Variants in ABR observed in about 807,000 individuals in gnomAD.
The protein encoded by ABR is ABR activator of RhoGEF and GTPase, also known as active breakpoint cluster region-related protein.
Under a neutral mutation model 107.2 loss-of-function variants are expected in ABR, and 35 were observed. That is an observed-to-expected ratio of 0.33 (90% CI 0.25 to 0.43). The LOEUF (loss-of-function observed/expected upper bound fraction) is 0.43, where lower values mean the gene tolerates loss of function less well. Ranked by LOEUF, ABR falls within the 20% of genes least tolerant of loss-of-function variation. The pLI is 1.00. For missense variants in ABR, 815 were observed against 1,115.2 expected (o/e 0.73, Z 3.83); for synonymous variants, 498 against 462.0 (o/e 1.08, Z -1.00).
intron 1 of ABR, among the ~76,000 whole-genome samples, chr17:1,142,803 CT>C (rs1319351754): frequency 1.3e-5 from 2 of 152,132 alleles, no homozygotes; most frequent in African/African-American, 4.8e-5. Flanking sequence ...GGGTCGGCCC[CT>C]GTCTCATTCA....
intron 1 of ABR, among the ~76,000 whole-genome samples, chr17:1,220,286 G>A (rs112496542): frequency 1.1e-4 from 14 of 133,102 alleles, no homozygotes; most frequent in Admixed American, 8.7e-4. Flanking sequence ...GCGAGACTCC[G>A]TCTAAAAAAA....
Position 1,100,627 on chromosome 17 carries a change from C to A in ABR, c.345+10G>T. On this transcript the variant is annotated intron_variant, in intron 3 of 22. Transcript: ENST00000302538. ...GGACCGGAAGGCCCCAGAGCAGGGA[C>A]TGTACTCACCAGCAACAGGGCTTCC... 3 of 1,613,594 alleles carry A rather than the reference C, an allele frequency of 1.9e-6. No homozygotes were observed. Among genetic ancestry groups the A allele is most frequent in the Non-Finnish European group, 2.5e-6 (3 of 1,179,574 alleles).
exon 1 of ABR, among the ~76,000 whole-genome samples, chr17:1,229,308 G>C (rs902698043): frequency 1.3e-5 from 2 of 151,374 alleles, no homozygotes; most frequent in Admixed American, 6.6e-5. Flanking sequence ...TTCTCCGGCC[G>C]CCCCGGGCCC....
chr17:1,065,919 A>G (rs1031181891), intron 10 of ABR, among the ~76,000 whole-genome samples: 1 of 151,702 alleles, frequency 6.6e-6, no homozygotes. Context: ...CTAATTTTGT[A>G]TTTTCAGTAG....
chr17:1,137,006 CT>C (rs1555522402), intron 1 of ABR, among the ~76,000 whole-genome samples: 1 of 11,022 alleles, frequency 9.1e-5, no homozygotes, highest in Non-Finnish European at 5.7e-4. Context: ...TAAATCATTT[CT>C]TTTTTCTCTC....
chr17:1,057,224 G>A lies in ABR; in HGVS notation c.1382-122C>T, dbSNP rs2033381121. 1.3e-5 allele frequency: 8 copies of A among 629,908 alleles called. No homozygotes were observed. In the East Asian group the frequency reaches 1.7e-4, roughly 13 times the overall value. The allele number at this position is 629,908 out of a possible 1,614,324, so 39.0% of individuals were successfully genotyped here. On this transcript the variant is annotated intron_variant, in intron 12 of 22. Transcript: ENST00000302538. ...CTGGGGCAGACTTGGTCCTTGCGAG[G>A]GAGGGGGAAGGATTTGTGGACACAG...
rs545411674 is a variant in ABR at position 1,011,039 on chromosome 17, T to A, written c.2102-176A>T. On this transcript the variant is annotated intron_variant, in intron 19 of 22. Coordinates refer to ENST00000302538, the MANE Select transcript of ABR (RefSeq NM_021962.5). This position sits in a 1 kb window ranked among gnomAD's most constrained non-coding sequence, Gnocchi z 4.8. ...GTGACTCGGCTCTGTGGGTCGGGGT[T>A]GGGGGAACAGGGAGAGATAGCCTGG... 1.3e-4 allele frequency: 101 copies of A among 781,608 alleles called. No homozygotes were observed. The African/African-American group carries it at 1.3e-3, about 10-fold the overall frequency. The allele number at this position is 781,608 out of a possible 1,614,324, so 48.4% of individuals were successfully genotyped here. A position where few individuals can be genotyped will look rare whatever the true frequency, so the allele number is the denominator to read the frequency against.
intron 1 of ABR, among the ~76,000 whole-genome samples, chr17:1,217,832 T>A (rs535993646): frequency 6.6e-6 from 1 of 152,308 alleles, no homozygotes; most frequent in East Asian, 1.9e-4. Context: ...GTAGCTGGGA[T>A]TACAGGCACG....
Position 1,011,656 on chromosome 17 carries a change from G to T in ABR, c.2101+190C>A. 1.7e-6 allele frequency: 1 copy of T among 592,862 alleles called. No individual in the cohort carries two copies. Among genetic ancestry groups the T allele is most frequent in the Non-Finnish European group, 2.6e-6 (1 of 388,180 alleles). 36.7% of individuals were successfully genotyped at this position (592,862 alleles called of 1,614,324 possible). ...TCGGCCCTTGTGAGTTTCTGCAGTT[G>T]CTTACCTGCAGCAAGGGACAAGAGA... On this transcript the variant is annotated intron_variant, in intron 19 of 22. Coordinates refer to ENST00000302538, the MANE Select transcript of ABR (RefSeq NM_021962.5). This position sits in a 1 kb window ranked among gnomAD's most constrained non-coding sequence, Gnocchi z 4.8.
At chr17:1,096,387 T>C (rs2257532) in intron 3 of ABR, among the ~76,000 whole-genome samples, 109,629 of 152,070 alleles carry the variant, frequency 0.72, 40,125 homozygotes, top group South Asian at 0.84. Flanking sequence ...ACGAATTTCT[T>C]CTCCTTCAAG....
Position 1,058,691 on chromosome 17 carries a change from G to A in ABR, c.1305+54C>T, listed in dbSNP as rs2033613088. 3.8e-6 allele frequency: 6 copies of A among 1,592,628 alleles called. No individual in the cohort carries two copies. In the East Asian group the frequency reaches 1.4e-4, roughly 36 times the overall value. On this transcript the variant is annotated intron_variant, in intron 11 of 22. Transcript: ENST00000302538. The stretch of plus-strand genomic sequence containing the variant: ...GTCAGGGCCAGGAGCCACAGAGTGG[G>A]CTGCTCTGGACTAAGGAAGGGGCTG...
chr17:1,089,289 C>G lies in ABR; in HGVS notation c.531+2376G>C, dbSNP rs187990626. On this transcript the variant is annotated intron_variant, in intron 4 of 22. Transcript: ENST00000302538. ...CCTCAAGTGATCTTCCAGCCTCAGC[C>G]TCCCAAAGTGCTGGGATTACAGGCG... 7.8e-3 allele frequency among the ~76,000 whole-genome samples: 1,182 copies of G among 152,296 alleles called. 8 individuals carry two copies. The highest frequency in any genetic ancestry group is 0.031 in the Middle Eastern group (9 of 294).
At chr17:1,115,777 T>C (rs1311003984) in intron 2 of ABR, among the ~76,000 whole-genome samples, 4 of 140,040 alleles carry the variant, frequency 2.9e-5, no homozygotes, top group Non-Finnish European at 6.1e-5. Context: ...ATACAAAAAA[T>C]TAGCCAGGCG....
intron 16 of ABR, among the ~76,000 whole-genome samples, chr17:1,033,421 G>A (rs1391457285): frequency 6.6e-6 from 1 of 152,210 alleles, no homozygotes; most frequent in Non-Finnish European, 1.5e-5. Flanking sequence ...GAAGGGCTCT[G>A]ACAAGCTGAG....
intron 1 of ABR, among the ~76,000 whole-genome samples, chr17:1,177,003 A>G (rs2041941651): frequency 6.6e-6 from 1 of 152,052 alleles, no homozygotes; most frequent in African/African-American, 2.4e-5. Flanking sequence ...GGAACCTCTA[A>G]CACCGAGTCA....
chr17:1,121,261 G>A (rs564336474), intron 2 of ABR, among the ~76,000 whole-genome samples: 1 of 152,382 alleles, frequency 6.6e-6, no homozygotes, highest in East Asian at 1.9e-4. Context: ...TGCCAACACC[G>A]CAGAGACCCG....
At chr17:1,153,478 AGGCACACCTAC>A (rs2151539860) in intron 1 of ABR, among the ~76,000 whole-genome samples, 11 of 122,998 alleles carry the variant, frequency 8.9e-5, no homozygotes, top group East Asian at 4.9e-4. Context: ...CTGGGGGTCC[AGGCACACCTAC>A]GGGAGGGCTG....
chr17:1,212,076 C>T (rs2042913121), intron 1 of ABR, among the ~76,000 whole-genome samples: 1 of 48,620 alleles, frequency 2.1e-5, no homozygotes, highest in African/African-American at 6.1e-5. Flanking sequence ...GAGCAAGACC[C>T]CATCTCGAAA....
At chr17:1,016,412 G>C (rs997254899) in intron 16 of ABR, among the ~76,000 whole-genome samples, 5 of 151,970 alleles carry the variant, frequency 3.3e-5, no homozygotes, top group Non-Finnish European at 7.4e-5. Context: ...CACCTCCCGG[G>C]TTCAAGTGAT....
Sources: allele counts gnomAD v4.1 joint callset (sites outside exome capture counted in the v4.1 genomes callset), GRCh38; gene constraint gnomAD v4.1.1; non-coding constraint Gnocchi (gnomAD v3.1); transcripts MANE v1.5; gene names NCBI Gene and HGNC (gene_info 2026-07-23, HGNC 2026-07-21).